Variants in CFTR observed in about 807,000 individuals in gnomAD.
CFTR encodes the protein cystic fibrosis transmembrane conductance regulator.
A neutral mutation model predicts 171.6 loss-of-function variants in CFTR; 181 were observed. The observed-to-expected ratio is 1.05, with a 90% CI of 0.93 to 1.19. The LOEUF is 1.19. Among genes scored for constraint, CFTR ranks in the 50% most tolerant of loss-of-function variants. The pLI is 0.00. For synonymous variants in CFTR, 583 were observed against 608.0 expected (o/e 0.96, Z 0.60); for missense variants, 1,968 against 1,734.7 (o/e 1.13, Z -2.39).
chr7:117,612,023 G>GTATATATATATATATATATATATA (rs772661286), intron 20 of CFTR, among the ~76,000 whole-genome samples: 3 of 53,242 alleles, frequency 5.6e-5, no homozygotes, highest in Admixed American at 2.0e-4. Context: ...ATATATATAT[G>GTATATATATATATATATATATATA]TATATATATA....
intron 11 of CFTR, among the ~76,000 whole-genome samples, chr7:117,584,264 A>T (rs1318534745): frequency 1.3e-5 from 2 of 151,982 alleles, no homozygotes; most frequent in Non-Finnish European, 2.9e-5. Flanking sequence ...TGACTATAAG[A>T]GTTTTTCCAA....
intron 23 of CFTR, among the ~76,000 whole-genome samples, chr7:117,645,114 G>A (rs538321418): frequency 2.0e-5 from 3 of 152,136 alleles, no homozygotes; most frequent in African/African-American, 7.2e-5. Flanking sequence ...CCTCAAAGAT[G>A]GGGCATCTTT....
At chr7:117,646,138 G>C (rs991503353) in intron 23 of CFTR, among the ~76,000 whole-genome samples, 1 of 152,126 alleles carries the variant, frequency 6.6e-6, no homozygotes, top group African/African-American at 2.4e-5. Context: ...TGTAAAATGA[G>C]TATAATGGTA....
chr7:117,652,900 G>A lies in CFTR; in HGVS notation c.3932G>A (p.Ser1311Asn), dbSNP rs1793109811. ...RKNLDPYEQW[S>N]DQEIWKVADE... The stretch of plus-strand genomic sequence containing the variant: ...AACTTGGATCCCTATGAACAGTGGA[G>A]TGATCAAGAAATATGGAAAGTTGCA... Residue 1311 changes from serine to asparagine, a missense_variant, in exon 24 of 27, where the codon AGT (serine) becomes AAT (asparagine). Physicochemically the swap from Ser to Asn is conservative, Grantham distance 46 (BLOSUM62 1). Coordinates refer to ENST00000003084, the MANE Select transcript of CFTR (RefSeq NM_000492.4). The A allele has an allele frequency of 6.2e-7, 1 of 1,606,574 alleles. No homozygotes were observed. Among genetic ancestry groups the A allele is most frequent in the Non-Finnish European group, 8.5e-7 (1 of 1,174,178 alleles).
chr7:117,517,110 A>T (rs1409085202), intron 3 of CFTR, among the ~76,000 whole-genome samples: 2 of 152,090 alleles, frequency 1.3e-5, no homozygotes, highest in Non-Finnish European at 2.9e-5. Context: ...AATGGGAGAA[A>T]ATGTTTGCAA....
At chr7:117,615,690 A>G (rs1792476034) in intron 21 of CFTR, among the ~76,000 whole-genome samples, 1 of 151,838 alleles carries the variant, frequency 6.6e-6, no homozygotes, top group African/African-American at 2.4e-5. Flanking sequence ...AGTAATGCTT[A>G]TGTGCTAATA....
At chr7:117,597,881 C>T (rs213975) in intron 15 of CFTR, among the ~76,000 whole-genome samples, 3,376 of 151,750 alleles carry the variant, frequency 0.022, 119 homozygotes, top group African/African-American at 0.075. Context: ...AGATCCTCAT[C>T]GACACAAGAG....
chr7:117,656,862 C>T (rs887352934), intron 24 of CFTR, among the ~76,000 whole-genome samples: 8 of 152,142 alleles, frequency 5.3e-5, no homozygotes, highest in Non-Finnish European at 8.8e-5. Context: ...TTCTGCCTTC[C>T]TTCACAGTGG....
intron 24 of CFTR, among the ~76,000 whole-genome samples, chr7:117,663,509 T>TAAA (rs71148372): frequency 2.4e-5 from 3 of 124,414 alleles, no homozygotes; most frequent in Admixed American, 8.2e-5. Flanking sequence ...CTTGTCCAGC[T>TAAA]AAAAAAAAAA....
rs146683624 is a variant in CFTR, at chr7:117,600,006, A to G, written c.2620-2820A>G. Among the ~76,000 whole-genome samples the G allele has an allele frequency of 9.6e-3, 1,456 of 152,094 alleles. 8 individuals are homozygous for G. Among genetic ancestry groups the G allele is most frequent in the Non-Finnish European group, 0.016 (1,065 of 67,886 alleles). ...ATTCCTTGGTGTAAGTGATTTGTCTATTTTTAGTTTTCCTAAGGGTCATAT... is the reference window on the plus strand; with the variant it reads ...ATTCCTTGGTGTAAGTGATTTGTCTGTTTTTAGTTTTCCTAAGGGTCATAT... On this transcript the variant is annotated intron_variant, in intron 15 of 26. Transcript: ENST00000003084.
At chr7:117,602,231 TTGC>T (rs1792237707) in intron 15 of CFTR, among the ~76,000 whole-genome samples, 2 of 152,204 alleles carry the variant, frequency 1.3e-5, no homozygotes, top group Non-Finnish European at 2.9e-5. Flanking sequence ...GAGATGAGTT[TTGC>T]CACATTGGCC....
At chr7:117,514,805 G>A (rs1015068868) in intron 3 of CFTR, among the ~76,000 whole-genome samples, 1 of 152,036 alleles carries the variant, frequency 6.6e-6, no homozygotes, top group Non-Finnish European at 1.5e-5. Flanking sequence ...TTTCTCCACA[G>A]CCTCACCAGC....
At chr7:117,617,721 T>C (rs956202445) in intron 21 of CFTR, among the ~76,000 whole-genome samples, 1 of 152,128 alleles carries the variant, frequency 6.6e-6, no homozygotes, top group African/African-American at 2.4e-5. Flanking sequence ...GCAAGTAATA[T>C]GCAATACCTC....
chr7:117,536,448 A>G, intron 6 of CFTR, 100 bp from the exon 7 acceptor site: 2 of 1,189,120 alleles, frequency 1.7e-6, no homozygotes, highest in South Asian at 1.3e-5. Context: ...CATCTGTTGA[A>G]TAAAAGAAAT....
At position 117,667,310 on chromosome 7, in the gene CFTR, A is replaced by G; in HGVS notation, c.*202A>G. 5.1e-6 allele frequency: 3 copies of G among 586,466 alleles called. No individual in the cohort carries two copies. Among genetic ancestry groups the G allele is most frequent in the Non-Finnish European group, 9.2e-6 (3 of 324,800 alleles). The allele number at this position is 586,466 out of a possible 1,614,324, so 36.3% of individuals were successfully genotyped here. A position where few individuals can be genotyped will look rare whatever the true frequency, so the allele number is the denominator to read the frequency against. On this transcript the variant is annotated 3_prime_UTR_variant, in exon 27 of 27. Transcript: ENST00000003084. The stretch of plus-strand genomic sequence containing the variant: ...GGTCTTGATAAATGGCTTCCTGGCA[A>G]TAGTCAAATTGTGTGAAAGGTACTT...
At chr7:117,657,764 C>T (rs1284557872) in intron 24 of CFTR, among the ~76,000 whole-genome samples, 1 of 152,142 alleles carries the variant, frequency 6.6e-6, no homozygotes, top group African/African-American at 2.4e-5. Flanking sequence ...TAGCCAGACA[C>T]CTGAATCTTA....
intron 22 of CFTR, among the ~76,000 whole-genome samples, chr7:117,640,259 G>T (rs34050492): frequency 1.9e-4 from 29 of 152,058 alleles, no homozygotes; most frequent in Admixed American, 1.9e-3. Flanking sequence ...AGACTTTGTT[G>T]GGTACAAACC....
At chr7:117,643,753 A>G (rs1792954634) in intron 23 of CFTR, among the ~76,000 whole-genome samples, 1 of 152,214 alleles carries the variant, frequency 6.6e-6, no homozygotes, top group South Asian at 2.1e-4. Flanking sequence ...TGGTTGATAG[A>G]GAAGTGTTGT....
chr7:117,588,565 C>G (rs182548494), intron 12 of CFTR, among the ~76,000 whole-genome samples: 70 of 152,248 alleles, frequency 4.6e-4, no homozygotes, highest in Non-Finnish European at 7.4e-5. Context: ...ATCACATTGA[C>G]TCATTGATGT....
Sources: gnomAD v4.1 joint callset for allele counts (sites outside exome capture counted in the v4.1 genomes callset) on GRCh38, gnomAD v4.1.1 for gene constraint, MANE v1.5 for transcripts, NCBI Gene and HGNC (gene_info 2026-07-23, HGNC 2026-07-21) for gene names.